Variants in NRG1 observed in about 807,000 individuals in gnomAD.
The protein encoded by NRG1 is neuregulin 1.
A neutral mutation model predicts 63.8 loss-of-function variants in NRG1; 18 were observed. That is an observed-to-expected ratio of 0.28 (90% confidence interval 0.19 to 0.42). NRG1 has a LOEUF of 0.42. Among genes scored for constraint, NRG1 ranks in the 10% least tolerant of loss-of-function variants. The pLI, the probability that NRG1 is intolerant of heterozygous loss-of-function variation, is 1.00. For synonymous variants in NRG1, 302 were observed against 301.3 expected (o/e 1.00, Z -0.02); for missense variants, 762 against 814.7 (o/e 0.94, Z 0.79).
At chr8:32,663,817 C>T (rs555467590) in intron 5 of NRG1, among the ~76,000 whole-genome samples, 1 of 152,254 alleles carries the variant, frequency 6.6e-6, no homozygotes, top group South Asian at 2.1e-4. Context: ...GTACTCAGTT[C>T]AGCCCGTGCC....
intron 1 of NRG1, among the ~76,000 whole-genome samples, chr8:31,858,905 C>G (rs907882477): frequency 6.6e-6 from 1 of 152,158 alleles, no homozygotes; most frequent in Non-Finnish European, 1.5e-5. Flanking sequence ...CTCCCACTTC[C>G]TCAAGCATCT....
At chr8:32,366,295 TTCTG>T (rs1181460776) in intron 1 of NRG1, among the ~76,000 whole-genome samples, 1 of 152,154 alleles carries the variant, frequency 6.6e-6, no homozygotes, top group African/African-American at 2.4e-5. Flanking sequence ...AGCTTGTTCC[TTCTG>T]TCTAACTGTA....
intron 1 of NRG1, among the ~76,000 whole-genome samples, chr8:31,646,536 T>C (rs996907724): frequency 8.5e-5 from 13 of 152,166 alleles, no homozygotes; most frequent in Non-Finnish European, 1.9e-4. Context: ...TCATCCCAAA[T>C]GGTTGTCTTT....
chr8:32,398,405 C>T (rs1473074124), intron 1 of NRG1, among the ~76,000 whole-genome samples: 1 of 102,160 alleles, frequency 9.8e-6, no homozygotes, highest in Admixed American at 1.2e-4. Context: ...TGTATTTCCA[C>T]CCAAATTTTT....
chr8:31,717,574 G>A lies in NRG1; in HGVS notation c.37+78143G>A, dbSNP rs535924763. ...GCTCCAGTCTTACAAAGTGGGACAT[G>A]CATTGTGTTTCTTGGGCATACTCAC... On this transcript the variant is annotated intron_variant, in intron 1 of 10. Coordinates refer to the NRG1 transcript ENST00000519301. Among the ~76,000 whole-genome samples the A allele has an allele frequency of 2.0e-5, 3 of 152,214 alleles. No individual in the cohort carries two copies. The South Asian group carries it at 6.2e-4, about 32-fold the overall frequency.
At chr8:32,236,466 G>A (rs1399258258) in intron 1 of NRG1, among the ~76,000 whole-genome samples, 1 of 152,092 alleles carries the variant, frequency 6.6e-6, no homozygotes, top group African/African-American at 2.4e-5. Context: ...ATGAGTAGTA[G>A]TATTACCCTT....
chr8:32,063,763 C>G (rs899006), intron 1 of NRG1, among the ~76,000 whole-genome samples: 14 of 151,486 alleles, frequency 9.2e-5, no homozygotes, highest in African/African-American at 2.9e-4. Context: ...GTTTAATACA[C>G]TTTTTTATGT....
intron 1 of NRG1, among the ~76,000 whole-genome samples, chr8:31,813,516 C>CTTTTCTTTTCTTTTCTTTT: frequency 1.1e-3 from 109 of 101,206 alleles, no homozygotes; most frequent in East Asian, 2.5e-3. Flanking sequence ...CTTTTCTTTT[C>CTTTTCTTTTCTTTTCTTTT]TTTTTTTTTT....
intron 1 of NRG1, among the ~76,000 whole-genome samples, chr8:31,709,540 C>A (rs2131243791): frequency 6.6e-6 from 1 of 152,060 alleles, no homozygotes; most frequent in Admixed American, 6.5e-5. Context: ...ATTCACTGTT[C>A]TTTAAAAATG....
intron 1 of NRG1, among the ~76,000 whole-genome samples, chr8:32,482,198 G>C (rs968554363): frequency 6.6e-6 from 1 of 151,840 alleles, no homozygotes; most frequent in East Asian, 1.9e-4. Context: ...CTGGTAACCA[G>C]CTCTTCAGGA....
downstream of NRG1, among the ~76,000 whole-genome samples, chr8:32,770,348 G>A (rs796231485): frequency 5.6e-4 from 86 of 152,224 alleles, no homozygotes; most frequent in African/African-American, 1.8e-3. Flanking sequence ...AATCTTTCTT[G>A]GAGTTACACA....
At chr8:31,652,993 TCCTCTCCTCTCCTCCCCTCC>T (rs1805032592) in intron 1 of NRG1, among the ~76,000 whole-genome samples, 1 of 17,900 alleles carries the variant, frequency 5.6e-5, no homozygotes, top group Non-Finnish European at 1.5e-4. Flanking sequence ...TCCTCTCCTC[TCCTCTCCTCTCCTCCCCTCC>T]CCTCCCCTCC....
intron 1 of NRG1, among the ~76,000 whole-genome samples, chr8:32,511,368 T>TGTATAG (rs1829190493): frequency 4.4e-5 from 1 of 22,718 alleles, no homozygotes; most frequent in African/African-American, 1.2e-4. Flanking sequence ...TATATATGTG[T>TGTATAG]ATATATATAT....
At chr8:32,539,201 G>T (rs890803549) in intron 1 of NRG1, among the ~76,000 whole-genome samples, 4 of 152,178 alleles carry the variant, frequency 2.6e-5, no homozygotes, top group South Asian at 2.1e-4. Flanking sequence ...CTAAGGAGAA[G>T]TTTCTATTTT....
chr8:32,706,145 T>G (rs929661457), intron 5 of NRG1, among the ~76,000 whole-genome samples: 1 of 152,218 alleles, frequency 6.6e-6, no homozygotes, highest in Admixed American at 6.5e-5. Flanking sequence ...TCACAAAAAC[T>G]AAATCTTTGT....
rs772686331 is a variant in NRG1, at chr8:32,692,460, G to C, written c.503-35489G>C. ...TCCAACTGAGCTTTGGCCCTGGAAG[G>C]CTGGCTTAGATAATCAAAGTCCCCT... On this transcript the variant is annotated intron_variant, in intron 5 of 11. Transcript: ENST00000356819. Among the ~76,000 whole-genome samples, 11 of 152,314 alleles carry C rather than the reference G, an allele frequency of 7.2e-5. No individual in the cohort carries two copies. In the South Asian group the frequency reaches 1.2e-3, roughly 17 times the overall value.
chr8:32,768,386 A>G (rs1289380796), downstream of NRG1, among the ~76,000 whole-genome samples: 7 of 152,234 alleles, frequency 4.6e-5, no homozygotes, highest in African/African-American at 1.2e-4. Context: ...AAATAGTCCA[A>G]TGGCCCATAG....
chr8:31,928,680 A>C (rs1454622770), intron 1 of NRG1, among the ~76,000 whole-genome samples: 1 of 151,994 alleles, frequency 6.6e-6, no homozygotes, highest in Non-Finnish European at 1.5e-5. Flanking sequence ...ACCATGAAAT[A>C]CTATTCAGCC....
intron 1 of NRG1, among the ~76,000 whole-genome samples, chr8:31,943,010 A>G (rs896043062): frequency 1.3e-5 from 2 of 152,096 alleles, no homozygotes; most frequent in African/African-American, 4.8e-5. Flanking sequence ...TGATCCAGCA[A>G]TCCCACTACT....
Sources: gnomAD v4.1 joint callset for allele counts (sites outside exome capture counted in the v4.1 genomes callset) on GRCh38, gnomAD v4.1.1 for gene constraint, MANE v1.5 for transcripts, NCBI Gene and HGNC (gene_info 2026-07-23, HGNC 2026-07-21) for gene names.